The following ERICH3 variants were observed in gnomAD, a reference collection of about 807,000 sequenced individuals.
ERICH3 encodes the protein glutamate rich 3.
ERICH3 carries 126 observed loss-of-function variants against 131.1 expected under a neutral mutation model. The ratio of observed to expected loss-of-function variants is 0.96; its 90% CI spans 0.83 to 1.11. The LOEUF is 1.11. Among genes scored for constraint, ERICH3 ranks in the 50% most tolerant of loss-of-function variants. ERICH3 has a pLI of 0.00. For missense variants in ERICH3, 2,050 were observed against 1,810.7 expected, an observed-to-expected ratio of 1.13 and a Z score of -2.40; for synonymous variants, 695 against 644.6, an observed-to-expected ratio of 1.08 and a Z score of -1.18.
chr1:74,623,904 A>T (rs2100614646), intron 7 of ERICH3: 2 of 152,316 alleles, frequency 1.3e-5, no homozygotes, highest in Middle Eastern at 6.8e-3. Context: ...AGTGGCCCAA[A>T]CACTATCAAC....
At position 74,612,653 on chromosome 1, in the gene ERICH3, A is replaced by T; in HGVS notation, c.1157T>A (p.Val386Glu). Reference sequence around the variant, plus strand: ...GCAAGGAGATGATCTCTCAACACACACAAACCCAAAGTAGCCTCGTTTGCC... The same window carrying T: ...GCAAGGAGATGATCTCTCAACACACTCAAACCCAAAGTAGCCTCGTTTGCC... Reference protein sequence around the residue: ...LGGKRGYFGFVCVERSSPCYK... With the variant: ...LGGKRGYFGFECVERSSPCYK... The change falls in exon 9 of 15, where the codon GTG (valine) becomes GAG (glutamate). Residue 386 changes from valine to glutamate, a missense_variant. Coordinates refer to ENST00000326665, the MANE Select transcript of ERICH3 (RefSeq NM_001002912.5). 6.3e-7 allele frequency: 1 copy of T among 1,586,798 alleles called. No homozygotes were observed. The highest frequency in any genetic ancestry group is 8.6e-7 in the Non-Finnish European group (1 of 1,159,346).
intron 10 of ERICH3, among the ~76,000 whole-genome samples, chr1:74,602,642 T>C (rs1570851903): frequency 6.6e-6 from 1 of 151,854 alleles, no homozygotes; most frequent in East Asian, 1.9e-4. Flanking sequence ...GAAATGGACA[T>C]TTAAAGTCCA....
In ERICH3 at chr1:74,646,831, T is replaced by C. The variant is rs368073712; in HGVS notation, c.118-39A>G. ...ATAAAATATACATAGAAATATAAAA[T>C]AGAAAATGTGGTGTTAGTTTCCAAA... On this transcript the variant is annotated intron_variant, in intron 2 of 14. Coordinates refer to ENST00000326665, the MANE Select transcript of ERICH3 (RefSeq NM_001002912.5). 583 of 1,250,464 alleles carry C rather than the reference T, an allele frequency of 4.7e-4. 9 individuals carry two copies. The South Asian group carries it at 9.1e-3, about 20-fold the overall frequency. The allele number at this position is 1,250,464 out of a possible 1,614,324, so 77.5% of individuals were successfully genotyped here. A position where few individuals can be genotyped will look rare whatever the true frequency, so the allele number is the denominator to read the frequency against.
chr1:74,586,604 A>G (rs576499603), intron 12 of ERICH3: 673 of 614,528 alleles, frequency 1.1e-3, no homozygotes, highest in Middle Eastern at 2.5e-3. Flanking sequence ...ATTGAAATTT[A>G]TCTTAAGAAA....
intron 7 of ERICH3, among the ~76,000 whole-genome samples, chr1:74,629,102 C>T (rs1354149966): frequency 1.3e-5 from 2 of 151,836 alleles, no homozygotes; most frequent in African/African-American, 2.4e-5. Context: ...ACAAATACGA[C>T]GGAGTTAAAA....
chr1:74,629,552 C>A lies in ERICH3; in HGVS notation c.819+2161G>T, dbSNP rs541016759. On this transcript the variant is annotated intron_variant, in intron 7 of 14. Coordinates refer to ENST00000326665, the MANE Select transcript of ERICH3 (RefSeq NM_001002912.5). Reference sequence around the variant, plus strand: ...TTATTTGTGCTTCACTTGTCACGACCCTGGGATGAAGAGGCTGCTGCTCCC... The same window carrying A: ...TTATTTGTGCTTCACTTGTCACGACACTGGGATGAAGAGGCTGCTGCTCCC... Among the ~76,000 whole-genome samples, 5 of 152,140 alleles carry A rather than the reference C, an allele frequency of 3.3e-5. No individual in the cohort carries two copies. The South Asian group carries it at 1.0e-3, about 32-fold the overall frequency.
Position 74,673,606 on chromosome 1 carries a change from C to A in ERICH3, c.-87G>T. The A allele has an allele frequency of 1.3e-6, 2 of 1,491,390 alleles. No individual in the cohort carries two copies. The highest frequency in any genetic ancestry group is 9.2e-7 in the Non-Finnish European group (1 of 1,087,624). 92.4% of individuals were successfully genotyped at this position (1,491,390 alleles called of 1,614,324 possible). A position where few individuals can be genotyped will look rare whatever the true frequency, so the allele number is the denominator to read the frequency against. ...GCGCGCTGGCGCTGCGACAGTCGCGCTCGAGGGGTGGCTCCGCACCGAGGT... is the reference window on the plus strand; with the variant it reads ...GCGCGCTGGCGCTGCGACAGTCGCGATCGAGGGGTGGCTCCGCACCGAGGT... On this transcript the variant is annotated 5_prime_UTR_variant, in exon 1 of 15. Coordinates refer to ENST00000326665, the MANE Select transcript of ERICH3 (RefSeq NM_001002912.5).
At chr1:74,570,846 A>G (rs184176041) in intron 14 of ERICH3, among the ~76,000 whole-genome samples, 67 of 152,250 alleles carry the variant, frequency 4.4e-4, no homozygotes, top group African/African-American at 1.6e-3. Flanking sequence ...TCACTACTTC[A>G]GGGAGCTGCC....
intron 9 of ERICH3, among the ~76,000 whole-genome samples, chr1:74,607,692 T>C (rs1445494953): frequency 2.6e-5 from 4 of 152,010 alleles, no homozygotes; most frequent in Non-Finnish European, 5.9e-5. Context: ...TCAAATCTGG[T>C]GAACCATGCA....
At position 74,599,742 on chromosome 1, in the gene ERICH3, TC is replaced by T; in HGVS notation, c.1678del (p.Asp560MetfsTer18). On this transcript the variant is annotated frameshift_variant, in exon 11 of 15. Coordinates refer to ENST00000326665, the MANE Select transcript of ERICH3 (RefSeq NM_001002912.5). LOFTEE classifies it high-confidence loss of function. ...ACTCTCAGAGCATCCATCATTCTCA[TC>T]TTTCACATTGTCACGGGCATCTGGT... The part of the protein sequence containing the change: ...KAPDARDNVK[D>X]ENDGCSESEL... 2.5e-6 allele frequency: 4 copies of T among 1,612,262 alleles called. No homozygotes were observed. Among genetic ancestry groups the T allele is most frequent in the Non-Finnish European group, 3.4e-6 (4 of 1,178,916 alleles).
intron 9 of ERICH3, among the ~76,000 whole-genome samples, chr1:74,609,884 A>T (rs1648601701): frequency 6.6e-6 from 1 of 152,094 alleles, no homozygotes; most frequent in Admixed American, 6.6e-5. Context: ...TGTTGAAATC[A>T]TAGAAATAAT....
chr1:74,662,638 C>A (rs1040147285), intron 1 of ERICH3, among the ~76,000 whole-genome samples: 1 of 152,092 alleles, frequency 6.6e-6, no homozygotes, highest in Non-Finnish European at 1.5e-5. Context: ...AAGTAAGACA[C>A]AGTAAGTAGA....
chr1:74,594,465 T>C (rs1443385743), intron 11 of ERICH3, among the ~76,000 whole-genome samples: 1 of 152,108 alleles, frequency 6.6e-6, no homozygotes, highest in Admixed American at 6.6e-5. Flanking sequence ...GGTTCTGAGT[T>C]GTCCTCACTT....
At chr1:74,668,006 G>A (rs1052010523) in intron 1 of ERICH3, among the ~76,000 whole-genome samples, 4 of 152,094 alleles carry the variant, frequency 2.6e-5, no homozygotes, top group Admixed American at 2.6e-4. Flanking sequence ...CTCCTGCTGC[G>A]ATGTAAGACG....
chr1:74,664,480 C>A (rs1422549496), intron 1 of ERICH3, among the ~76,000 whole-genome samples: 1 of 151,876 alleles, frequency 6.6e-6, no homozygotes, highest in Non-Finnish European at 1.5e-5. Flanking sequence ...TGTATGAGAG[C>A]CAAATAATAT....
rs745977461 is a variant in ERICH3, at chr1:74,599,675, T to C, written c.1726+20A>G. 2.6e-6 allele frequency: 4 copies of C among 1,564,406 alleles called. No homozygotes were observed. In the Admixed American group the frequency reaches 5.4e-5, roughly 21 times the overall value. On this transcript the variant is annotated intron_variant, in intron 11 of 14. Coordinates refer to ENST00000326665, the MANE Select transcript of ERICH3 (RefSeq NM_001002912.5). ...CACTCAGTAAACAGCCTATGTTACA[T>C]GATAAGCTGAACAACTCGCCTTGTT... is the stretch of plus-strand genomic sequence containing the variant.
At chr1:74,603,071 T>G (rs1648220397) in intron 10 of ERICH3, among the ~76,000 whole-genome samples, 1 of 151,764 alleles carries the variant, frequency 6.6e-6, no homozygotes, top group Admixed American at 6.6e-5. Context: ...GCAGCAAAAA[T>G]ATGAGGTGGG....
At chr1:74,610,554 T>C (rs997817556) in intron 9 of ERICH3, among the ~76,000 whole-genome samples, 3 of 151,552 alleles carry the variant, frequency 2.0e-5, no homozygotes, top group Admixed American at 6.6e-5. Context: ...ATGTTTCTTA[T>C]TCTCTAAAGT....
At chr1:74,615,783 G>A (rs1026701957) in intron 8 of ERICH3, among the ~76,000 whole-genome samples, 1 of 152,094 alleles carries the variant, frequency 6.6e-6, no homozygotes, top group South Asian at 2.1e-4. Flanking sequence ...ATCTGCTACC[G>A]CCTTATCACA....
Sources: gnomAD v4.1 joint callset for allele counts (sites outside exome capture counted in the v4.1 genomes callset) on GRCh38, gnomAD v4.1.1 for gene constraint, MANE v1.5 for transcripts, NCBI Gene and HGNC (gene_info 2026-07-23, HGNC 2026-07-21) for gene names.